Variants in FOSL2 observed in about 807,000 individuals in gnomAD.
The protein encoded by FOSL2 is FOS like 2, AP-1 transcription factor subunit, also known as fos-related antigen 2.
FOSL2 carries 3 observed loss-of-function variants against 27.7 expected under a neutral mutation model. That is an observed-to-expected ratio of 0.11 (90% CI 0.05 to 0.28). The LOEUF is 0.28. FOSL2 is among the 10% of genes least tolerant of loss of function. The pLI is 1.00. For missense variants in FOSL2, 333 were observed against 445.1 expected, an observed-to-expected ratio of 0.75 and a Z score of 2.27; for synonymous variants, 179 against 190.1, an observed-to-expected ratio of 0.94 and a Z score of 0.48.
Position 28,416,543 on chromosome 2 carries a change from A to G in FOSL2, c.*4095A>G, listed in dbSNP as rs999637750. 1.3e-5 allele frequency: 2 copies of G among 150,186 alleles called. No individual in the cohort carries two copies. The highest frequency in any genetic ancestry group is 4.9e-5 in the African/African-American group (2 of 40,676). 9.3% of individuals were successfully genotyped at this position (150,186 alleles called of 1,614,324 possible). ...TTGTGATTTGTGCTGTATAAACTGT[A>G]TAAAAGGTTCTGTTTTTAAAGGTGG... On this transcript the variant is annotated 3_prime_UTR_variant, in exon 4 of 4. Coordinates refer to ENST00000264716, the MANE Select transcript of FOSL2 (RefSeq NM_005253.4).
At chr2:28,398,126 C>T (rs1277177054) in intron 1 of FOSL2, among the ~76,000 whole-genome samples, 1 of 152,148 alleles carries the variant, frequency 6.6e-6, no homozygotes, top group Non-Finnish European at 1.5e-5. Flanking sequence ...AGGAGACGAA[C>T]GTTCCGGTCT....
rs1231363209 is a variant in FOSL2, at chr2:28,415,692, C to A, written c.*3244C>A. On this transcript the variant is annotated 3_prime_UTR_variant, in exon 4 of 4. Transcript: ENST00000264716. ...GCCCCCTTTAGGAAGGAAAAGAATA[C>A]ACCTACGATGTGCCAGGCACTGTGT... 6.6e-6 allele frequency: 1 copy of A among 152,190 alleles called. No homozygotes were observed. The highest frequency in any genetic ancestry group is 2.4e-5 in the African/African-American group (1 of 41,448). 9.4% of individuals were successfully genotyped at this position (152,190 alleles called of 1,614,324 possible).
intron 1 of FOSL2, among the ~76,000 whole-genome samples, chr2:28,395,259 T>C (rs1305944514): frequency 6.6e-6 from 1 of 152,164 alleles, no homozygotes; most frequent in African/African-American, 2.4e-5. Context: ...AGGGAATAGG[T>C]TGAAGTCTGT....
At chr2:28,403,969 C>T (rs1331319590) in intron 1 of FOSL2, 138 bp from the exon 2 acceptor site, 3 of 928,564 alleles carry the variant, frequency 3.2e-6, no homozygotes, top group Non-Finnish European at 4.9e-6. Context: ...TCCAGGCCCA[C>T]CTGGGGTCCT....
In FOSL2 at chr2:28,393,622, GGCC is replaced by G; in HGVS notation, c.-97_-95del. The stretch of plus-strand genomic sequence containing the variant: ...GAGCGAAGCCCAGAGCCCGCGGCGC[GGCC>G]GGCGGACGAACGAGCGCGCAGCAGC... On this transcript the variant is annotated 5_prime_UTR_variant, in exon 1 of 4. Coordinates refer to ENST00000264716, the MANE Select transcript of FOSL2 (RefSeq NM_005253.4). This position sits in a 1 kb window ranked among gnomAD's most constrained non-coding sequence, Gnocchi z 4.6. 1 of 864,104 alleles carries G rather than the reference GGCC, an allele frequency of 1.2e-6. No homozygotes were observed. The highest frequency in any genetic ancestry group is 1.8e-6 in the Non-Finnish European group (1 of 558,076). The allele number at this position is 864,104 out of a possible 1,614,324, so 53.5% of individuals were successfully genotyped here. A position where few individuals can be genotyped will look rare whatever the true frequency, so the allele number is the denominator to read the frequency against.
intron 3 of FOSL2, chr2:28,410,671 A>G: frequency 6.2e-6 from 2 of 320,734 alleles, no homozygotes; most frequent in Non-Finnish European, 9.0e-6. Flanking sequence ...CGGCCCCTCC[A>G]CGTGCACTTG....
chr2:28,411,693 G>T (rs187158006), intron 3 of FOSL2, among the ~76,000 whole-genome samples: 2 of 152,266 alleles, frequency 1.3e-5, no homozygotes, highest in East Asian at 3.9e-4. Flanking sequence ...AGTAGGTGCT[G>T]GGTTATGGCA....
chr2:28,407,824 G>A (rs1664114873), intron 2 of FOSL2, among the ~76,000 whole-genome samples: 1 of 152,212 alleles, frequency 6.6e-6, no homozygotes, highest in South Asian at 2.1e-4. Flanking sequence ...GCTCTGCAGG[G>A]CTCTGTAGAA....
intron 3 of FOSL2, among the ~76,000 whole-genome samples, chr2:28,409,156 CTG>C (rs1269697399): frequency 1.3e-5 from 2 of 152,112 alleles, no homozygotes; most frequent in Non-Finnish European, 2.9e-5. Flanking sequence ...TGAGTGTTCT[CTG>C]CTCACAGAAC....
intron 1 of FOSL2, among the ~76,000 whole-genome samples, chr2:28,400,759 C>CG (rs1052805648): frequency 6.6e-6 from 1 of 152,158 alleles, no homozygotes; most frequent in African/African-American, 2.4e-5. Flanking sequence ...TGATGTATAC[C>CG]GGGGAGCACA....
Position 28,412,045 on chromosome 2 carries a change from T to C in FOSL2, c.578T>C (p.Ile193Thr). The change falls in exon 4 of 4, where the codon ATT becomes ACT. Residue 193 changes from isoleucine (I) to threonine (T), a missense_variant. Ile to Thr is a moderately conservative substitution (Grantham distance 89). Transcript: ENST00000264716. The surrounding 1 kb of genome is among the most constrained non-coding windows in gnomAD (Gnocchi z 7.1). ...MLVAHGPVCK[I>T]SPEERRSPPA... ...GTGGCTCACGGCCCAGTGTGCAAGATTAGCCCCGAGGAGCGCCGATCGCCC... is the reference window on the plus strand; with the variant it reads ...GTGGCTCACGGCCCAGTGTGCAAGACTAGCCCCGAGGAGCGCCGATCGCCC... The C allele has an allele frequency of 6.2e-7, 1 of 1,609,696 alleles. No homozygotes were observed. The highest frequency in any genetic ancestry group is 8.5e-7 in the Non-Finnish European group (1 of 1,179,894).
At chr2:28,411,217 G>T (rs1259584697) in intron 3 of FOSL2, among the ~76,000 whole-genome samples, 1 of 152,070 alleles carries the variant, frequency 6.6e-6, no homozygotes, top group Non-Finnish European at 1.5e-5. Context: ...AATCCCACAG[G>T]GATTTGCTGA....
chr2:28,396,805 C>CACACACACACACACACACACACACAA (rs1663848722), intron 1 of FOSL2: 1 of 149,010 alleles, frequency 6.7e-6, no homozygotes, highest in African/African-American at 2.5e-5. Context: ...CACACACACA[C>CACACACACACACACACACACACACAA]ACACACACAC....
chr2:28,404,125 C>A lies in FOSL2; in HGVS notation c.121C>A (p.Pro41Thr). 1 of 1,614,010 alleles carries A rather than the reference C, an allele frequency of 6.2e-7. No homozygotes were observed. The highest frequency in any genetic ancestry group is 2.2e-5 in the East Asian group (1 of 44,900). Reference sequence around the variant, plus strand: ...ATTTCAGAAATTCCGGGTAGATATGCCTGGCTCAGGCAGTGCATTCATCCC... The same window carrying A: ...ATTTCAGAAATTCCGGGTAGATATGACTGGCTCAGGCAGTGCATTCATCCC... ...GGQQKFRVDM[P>T]GSGSAFIPTI... The change falls in exon 2 of 4, where the codon CCT becomes ACT. Residue 41 changes from proline to threonine, a missense_variant. Pro to Thr is a conservative substitution (Grantham distance 38, BLOSUM62 -1). Around this residue, in one of 4 missense-constraint regions of FOSL2, gnomAD observed 131 missense variants for 157.9 expected, o/e 0.83. Coordinates refer to ENST00000264716, the MANE Select transcript of FOSL2 (RefSeq NM_005253.4). The surrounding 1 kb of genome is among the most constrained non-coding windows in gnomAD (Gnocchi z 4.7).
chr2:28,412,146 G>A lies in FOSL2; in HGVS notation c.679G>A (p.Glu227Lys). 1 of 1,606,970 alleles carries A rather than the reference G, an allele frequency of 6.2e-7. No homozygotes were observed. The highest frequency in any genetic ancestry group is 1.7e-4 in the Middle Eastern group (1 of 6,034). Residue 227 changes from glutamate to lysine, a missense_variant, in exon 4 of 4, where the codon GAA (glutamate) becomes AAA (lysine). Coordinates refer to ENST00000264716, the MANE Select transcript of FOSL2 (RefSeq NM_005253.4). This position sits in a 1 kb window ranked among gnomAD's most constrained non-coding sequence, Gnocchi z 7.1. ...TGTAGTGGTGAAACAGGAGCCCCTGGAAGAGGACAGCCCCTCGTCCTCGTC... is the reference window on the plus strand; with the variant it reads ...TGTAGTGGTGAAACAGGAGCCCCTGAAAGAGGACAGCCCCTCGTCCTCGTC... ...GAVVVKQEPL[E>K]EDSPSSSSAG...
rs777830563 is a variant in FOSL2 at position 28,393,804 on chromosome 2, C to T, written c.84C>T (p.Ser28=). 6.3e-7 allele frequency: 1 copy of T among 1,590,300 alleles called. No homozygotes were observed. The highest frequency in any genetic ancestry group is 8.6e-7 in the Non-Finnish European group (1 of 1,168,138). Residue 28 remains serine, a synonymous_variant, in exon 1 of 4, where the codon AGC becomes AGT. Coordinates refer to ENST00000264716, the MANE Select transcript of FOSL2 (RefSeq NM_005253.4). The surrounding 1 kb of genome is among the most constrained non-coding windows in gnomAD (Gnocchi z 4.6). ...GSPAHAESYS[S]GGGGQQKFRV... ...CTGCGCACGCCGAGTCCTACTCCAG[C>T]GGCGGCGGCGGCCAGCAGGTAGGTG...
chr2:28,406,796 G>T (rs759688582), intron 2 of FOSL2, among the ~76,000 whole-genome samples: 3 of 152,192 alleles, frequency 2.0e-5, no homozygotes, highest in Non-Finnish European at 4.4e-5. Context: ...AGCTTACTCC[G>T]GCCGTCCCCA....
chr2:28,394,855 T>C (rs759087028), intron 1 of FOSL2, among the ~76,000 whole-genome samples: 4 of 152,120 alleles, frequency 2.6e-5, no homozygotes, highest in Non-Finnish European at 5.9e-5. Context: ...CTGTGGAGTC[T>C]AGCATAGTTG....
intron 1 of FOSL2, among the ~76,000 whole-genome samples, chr2:28,403,116 C>G (rs1664008033): frequency 6.6e-6 from 1 of 152,172 alleles, no homozygotes; most frequent in Non-Finnish European, 1.5e-5. Context: ...GGGGACTTGC[C>G]TCTGAAAAGC....
Sources: gnomAD v4.1 joint callset for allele counts (sites outside exome capture counted in the v4.1 genomes callset) on GRCh38, gnomAD v4.1.1 for gene constraint, gnomAD v4.1.1 regional missense constraint, Gnocchi (gnomAD v3.1) non-coding constraint, MANE v1.5 for transcripts, NCBI Gene and HGNC (gene_info 2026-07-23, HGNC 2026-07-21) for gene names.